CECR2: variants seen among roughly 807,000 people sequenced by gnomAD.
CECR2 encodes the protein chromatin remodeling regulator CECR2.
CECR2 carries 30 observed loss-of-function variants against 154.5 expected under a neutral mutation model. The ratio of observed to expected loss-of-function variants is 0.19; its 90% CI spans 0.15 to 0.26. The LOEUF (loss-of-function observed/expected upper bound fraction) is 0.26, where lower values mean the gene tolerates loss of function less well. Ranked by LOEUF, CECR2 falls within the 10% of genes least tolerant of loss-of-function variation. The probability of loss-of-function intolerance (pLI) is 1.00; values close to 1 mark genes in which losing one functional copy is unlikely to be tolerated. For missense variants in CECR2, 1,743 were observed against 1,829.3 expected (o/e 0.95, Z 0.86); for synonymous variants, 725 against 683.7 (o/e 1.06, Z -0.94).
intron 2 of CECR2, among the ~76,000 whole-genome samples, chr22:17,493,031 G>T (rs1436407412): frequency 1.3e-5 from 2 of 151,986 alleles, no homozygotes; most frequent in African/African-American, 4.8e-5. Context: ...GAGTGCAGTG[G>T]TGCAATCTCA....
At position 17,500,676 on chromosome 22, in the gene CECR2, G is replaced by C. The variant is rs200626061; in HGVS notation, c.591G>C (p.Thr197=). 175 of 1,557,880 alleles carry C rather than the reference G, an allele frequency of 1.1e-4. 1 individual carries two copies. Among genetic ancestry groups the C allele is most frequent in the Non-Finnish European group, 2.7e-5 (31 of 1,151,130 alleles). Residue 197 remains threonine, a synonymous_variant, in exon 5 of 19, where the codon ACG becomes ACC. Transcript: ENST00000262608. ...ATGTCTCAAGTATTCCTGGAAAAAC[G>C]GGAAAAAGAAGAGGAAGACCCCCAA... The part of the protein sequence containing the change: ...QKNVSSIPGK[T]GKRRGRPPKR...
In CECR2 at chr22:17,504,853, A is replaced by G. The variant is rs372722720; in HGVS notation, c.707A>G (p.Gln236Arg). ...ASEPQTRHGS[Q>R]GPGQGTWWLL... ...CCGTTCCTTTATTTTCTAGGGTCCC[A>G]AGGGCCAGGCCAAGGTACTTGGTGG... Residue 236 changes from glutamine (Q) to arginine (R), a missense_variant, in exon 7 of 19, where the codon CAA (glutamine) becomes CGA (arginine). Physicochemically the swap from Gln to Arg is conservative, Grantham distance 43. Around this residue, in one of 4 missense-constraint regions of CECR2, gnomAD observed 292 missense variants for 301.2 expected, o/e 0.97. Coordinates refer to ENST00000262608, the MANE Select transcript of CECR2 (RefSeq NM_001290047.2). The G allele has an allele frequency of 6.2e-7, 1 of 1,612,996 alleles. No homozygotes were observed. The highest frequency in any genetic ancestry group is 8.5e-7 in the Non-Finnish European group (1 of 1,179,558).
chr22:17,396,592 T>C (rs2053815540), intron 1 of CECR2, among the ~76,000 whole-genome samples: 1 of 152,224 alleles, frequency 6.6e-6, no homozygotes, highest in Non-Finnish European at 1.5e-5. Context: ...GGAAATTTTA[T>C]GTAGAAACTG....
intron 3 of CECR2, 108 bp downstream of exon 3, chr22:17,497,694 A>T: frequency 9.2e-7 from 1 of 1,088,500 alleles, no homozygotes; most frequent in African/African-American, 1.5e-5. Flanking sequence ...GGCTTGTGGT[A>T]CTAGTCTTGG....
chr22:17,381,396 G>C (rs955866877), intron 1 of CECR2, among the ~76,000 whole-genome samples: 1 of 152,044 alleles, frequency 6.6e-6, no homozygotes, highest in Non-Finnish European at 1.5e-5. Context: ...AACACTTCAC[G>C]ACTCTGCGTG....
intron 18 of CECR2, 58 bp from the exon 19 acceptor site, chr22:17,552,774 GTTT>G: frequency 2.1e-6 from 2 of 933,432 alleles, no homozygotes; most frequent in Non-Finnish European, 1.5e-6. Context: ...GCTTACTTAA[GTTT>G]TTTTTTTTTT....
chr22:17,507,933 G>A (rs1433831855), intron 7 of CECR2, among the ~76,000 whole-genome samples: 1 of 152,050 alleles, frequency 6.6e-6, no homozygotes, highest in East Asian at 1.9e-4. Context: ...TTTATTCACA[G>A]GTAAAGTTTT....
intron 9 of CECR2, among the ~76,000 whole-genome samples, chr22:17,533,296 C>T (rs1172788077): frequency 6.9e-6 from 1 of 145,838 alleles, no homozygotes; most frequent in African/African-American, 2.6e-5. Flanking sequence ...GCACTCCAGC[C>T]TGAGCAACAG....
At chr22:17,457,650 C>T (rs950863735) in intron 1 of CECR2, among the ~76,000 whole-genome samples, 3 of 152,164 alleles carry the variant, frequency 2.0e-5, no homozygotes, top group African/African-American at 7.2e-5. Context: ...TACCATATGA[C>T]CCAGCGGTTA....
rs182714841 is a variant in CECR2, at chr22:17,546,695, G to C, written c.2861-1453G>C. 2.6e-4 allele frequency among the ~76,000 whole-genome samples: 40 copies of C among 152,108 alleles called. 1 individual carries two copies. The highest frequency in any genetic ancestry group is 9.4e-4 in the African/African-American group (39 of 41,510). ...CCTTGTGCTTCAGATCTGTTACCAG[G>C]ATGGTAATTTCATCACACCTGGACA... On this transcript the variant is annotated intron_variant, in intron 16 of 18. Transcript: ENST00000262608.
intron 8 of CECR2, among the ~76,000 whole-genome samples, chr22:17,512,117 A>T (rs893662496): frequency 6.6e-6 from 1 of 152,220 alleles, no homozygotes; most frequent in African/African-American, 2.4e-5. Context: ...GATGGTAGGC[A>T]TGTCCACATT....
chr22:17,526,808 C>CA (rs34800488), intron 9 of CECR2, among the ~76,000 whole-genome samples: 21,380 of 71,284 alleles, frequency 0.3, 3,160 homozygotes, highest in East Asian at 0.58. Context: ...GACTCCATCT[C>CA]AAAAAAAAAA....
At chr22:17,493,092 C>T (rs1382855943) in intron 2 of CECR2, among the ~76,000 whole-genome samples, 2 of 152,146 alleles carry the variant, frequency 1.3e-5, no homozygotes, top group East Asian at 3.9e-4. Context: ...CTGCCTCAGC[C>T]TCCCGAGTGG....
At chr22:17,503,715 C>G (rs1012921220) in intron 6 of CECR2, among the ~76,000 whole-genome samples, 1 of 151,992 alleles carries the variant, frequency 6.6e-6, no homozygotes, top group African/African-American at 2.4e-5. Flanking sequence ...TTAACAATGA[C>G]TTTAACAGGA....
At chr22:17,385,150 C>T (rs2063243954) in intron 1 of CECR2, among the ~76,000 whole-genome samples, 1 of 152,210 alleles carries the variant, frequency 6.6e-6, no homozygotes, top group African/African-American at 2.4e-5. Context: ...CTCCAGGCCA[C>T]TCAGACTTTC....
At chr22:17,408,647 A>C (rs905304073) in intron 1 of CECR2, among the ~76,000 whole-genome samples, 3 of 152,216 alleles carry the variant, frequency 2.0e-5, no homozygotes, top group African/African-American at 7.2e-5. Context: ...TGAGAAGTTA[A>C]TGCTACTATC....
In CECR2 at chr22:17,548,384, G is replaced by C; in HGVS notation, c.3097G>C (p.Gly1033Arg). The change falls in exon 17 of 19, where the codon GGC becomes CGC. Residue 1033 changes from glycine (G) to arginine (R), a missense_variant. Gly to Arg is a moderately radical substitution (Grantham distance 125). Around this residue, in one of 4 missense-constraint regions of CECR2, gnomAD observed 1,250 missense variants for 1,192.1 expected, o/e 1.05. Transcript: ENST00000262608. Reference protein sequence around the residue: ...NPWPSDSSYPGPAAQGCVRDL... With the variant: ...NPWPSDSSYPRPAAQGCVRDL... ...CTGGCCCTCGGATAGCAGCTACCCC[G>C]GCCCAGCCGCCCAAGGGTGCGTGAG... is the stretch of plus-strand genomic sequence containing the variant. The C allele has an allele frequency of 6.2e-7, 1 of 1,613,458 alleles. No individual in the cohort carries two copies. Among genetic ancestry groups the C allele is most frequent in the South Asian group, 1.1e-5 (1 of 90,992 alleles).
chr22:17,399,756 G>A (rs1317415060), intron 1 of CECR2, among the ~76,000 whole-genome samples: 1 of 152,156 alleles, frequency 6.6e-6, no homozygotes, highest in Non-Finnish European at 1.5e-5. Context: ...ACACTCAGAT[G>A]CGACTATACC....
chr22:17,387,820 G>C (rs1184003710), intron 1 of CECR2, among the ~76,000 whole-genome samples: 1 of 152,070 alleles, frequency 6.6e-6, no homozygotes, highest in East Asian at 1.9e-4. Flanking sequence ...GTTATCTGTA[G>C]TTGTTTACTA....
Sources: allele counts gnomAD v4.1 joint callset (sites outside exome capture counted in the v4.1 genomes callset), GRCh38; gene constraint gnomAD v4.1.1; regional missense constraint gnomAD v4.1.1; transcripts MANE v1.5; gene names NCBI Gene and HGNC (gene_info 2026-07-23, HGNC 2026-07-21).